Variants in MUC7 observed in about 807,000 individuals in gnomAD.
MUC7 encodes the protein mucin 7, secreted.
A neutral mutation model predicts 2.5 loss-of-function variants in MUC7; 2 were observed. The ratio of observed to expected loss-of-function variants is 0.81; its 90% CI spans 0.33 to 2.55. MUC7 has a LOEUF of 2.55. MUC7 is among the 30% of genes most tolerant of loss of function. The pLI is 0.11. For missense variants in MUC7, 408 were observed against 455.6 expected (o/e 0.90, Z 0.95); for synonymous variants, 133 against 173.4 (o/e 0.77, Z 1.83).
chr4:70,435,656 C>T (rs1012379547), intron 1 of MUC7, among the ~76,000 whole-genome samples: 2 of 96,760 alleles, frequency 2.1e-5, no homozygotes, highest in Non-Finnish European at 4.2e-5. Context: ...CTCTTTATCC[C>T]ATTTGCCAGT....
At chr4:70,447,371 G>GT (rs1272159799) in intron 1 of MUC7, among the ~76,000 whole-genome samples, 1 of 151,972 alleles carries the variant, frequency 6.6e-6, no homozygotes, top group Non-Finnish European at 1.5e-5. Flanking sequence ...TCTTTACAAC[G>GT]TGTTTAGAAC....
Position 70,480,876 on chromosome 4 carries a change from A to G in MUC7, c.132A>G (p.Glu44=), listed in dbSNP as rs1185975959. Residue 44 remains glutamate, a synonymous_variant, in exon 3 of 3, where the codon GAA becomes GAG. Transcript: ENST00000304887. ...ACCAATCACCCAAATCTCACTTTGAATTACCACATTATCCTGGACTGCTAG... is the reference window on the plus strand; with the variant it reads ...ACCAATCACCCAAATCTCACTTTGAGTTACCACATTATCCTGGACTGCTAG... ...HHHQSPKSHF[E]LPHYPGLLAH... 1 of 1,614,196 alleles carries G rather than the reference A, an allele frequency of 6.2e-7. No homozygotes were observed. The highest frequency in any genetic ancestry group is 1.7e-5 in the Admixed American group (1 of 60,026).
chr4:70,440,756 G>A (rs1261151841), intron 1 of MUC7, among the ~76,000 whole-genome samples: 1 of 151,964 alleles, frequency 6.6e-6, no homozygotes, highest in African/African-American at 2.4e-5. Flanking sequence ...ATTTAAAAAT[G>A]GAGGGAGACA....
intron 1 of MUC7, among the ~76,000 whole-genome samples, chr4:70,457,811 T>A (rs1373981148): frequency 6.6e-6 from 1 of 152,122 alleles, no homozygotes; most frequent in Non-Finnish European, 1.5e-5. Context: ...AATAACTCTA[T>A]AACCATTAAA....
At chr4:70,459,420 G>A (rs1169777194) in intron 1 of MUC7, among the ~76,000 whole-genome samples, 2 of 152,086 alleles carry the variant, frequency 1.3e-5, no homozygotes, top group Non-Finnish European at 2.9e-5. Flanking sequence ...TCACACTCTG[G>A]GGACTGTTGT....
At chr4:70,435,839 C>T (rs1038547331) in intron 1 of MUC7, among the ~76,000 whole-genome samples, 1 of 152,168 alleles carries the variant, frequency 6.6e-6, no homozygotes, top group Non-Finnish European at 1.5e-5. Flanking sequence ...GTGGTTGGTA[C>T]CGGTTTTTCC....
At chr4:70,465,638 A>G (rs954768300) in intron 1 of MUC7, among the ~76,000 whole-genome samples, 1 of 152,172 alleles carries the variant, frequency 6.6e-6, no homozygotes. Flanking sequence ...AAGCAAAAGA[A>G]AGGATATCAG....
chr4:70,432,402 G>C (rs767935798), intron 1 of MUC7, among the ~76,000 whole-genome samples: 1 of 152,174 alleles, frequency 6.6e-6, no homozygotes, highest in Non-Finnish European at 1.5e-5. Context: ...ATCCTCTCCA[G>C]CACCTGTTGT....
At chr4:70,447,030 G>A (rs1734158151) in intron 1 of MUC7, among the ~76,000 whole-genome samples, 1 of 138,280 alleles carries the variant, frequency 7.2e-6, no homozygotes, top group Admixed American at 7.3e-5. Context: ...ATCCCAACAT[G>A]AGATTTTCTT....
chr4:70,479,465 G>T (rs6817784), intron 2 of MUC7, among the ~76,000 whole-genome samples: 39,968 of 152,044 alleles, frequency 0.26, 5,494 homozygotes, highest in East Asian at 0.38. Flanking sequence ...TATAACTTGC[G>T]ACTGGAATGA....
chr4:70,473,912 C>A, intron 1 of MUC7, 95 bp from the exon 2 acceptor site: 2 of 891,732 alleles, frequency 2.2e-6, no homozygotes, highest in Non-Finnish European at 3.5e-6. Context: ...TCTCTTTTTG[C>A]CTGTACTTTC....
intron 2 of MUC7, among the ~76,000 whole-genome samples, chr4:70,478,422 C>A (rs191655407): frequency 6.6e-6 from 1 of 152,196 alleles, no homozygotes; most frequent in Non-Finnish European, 1.5e-5. Context: ...GGGAATGAAC[C>A]ACATAACTAT....
chr4:70,444,048 C>A (rs932123854), intron 1 of MUC7, among the ~76,000 whole-genome samples: 1 of 152,172 alleles, frequency 6.6e-6, no homozygotes, highest in Admixed American at 6.5e-5. Context: ...CATCCACAAG[C>A]CTTAAACCAC....
At chr4:70,432,513 T>C (rs1044254993) in intron 1 of MUC7, among the ~76,000 whole-genome samples, 1 of 152,274 alleles carries the variant, frequency 6.6e-6, no homozygotes, top group Non-Finnish European at 1.5e-5. Flanking sequence ...ATGAGCATTT[T>C]TTCATGTGTC....
In MUC7 at chr4:70,478,214, A is replaced by T. The variant is rs563754572; in HGVS notation, c.55-2585A>T. ...TTGGTCACCTAAAGTAAAATAGCTGAAACTATTTTACATATGAATAAACAC... is the reference window on the plus strand; with the variant it reads ...TTGGTCACCTAAAGTAAAATAGCTGTAACTATTTTACATATGAATAAACAC... On this transcript the variant is annotated intron_variant, in intron 2 of 2. Coordinates refer to ENST00000304887, the MANE Select transcript of MUC7 (RefSeq NM_152291.3). Among the ~76,000 whole-genome samples, 11 of 152,356 alleles carry T rather than the reference A, an allele frequency of 7.2e-5. No homozygotes were observed. In the South Asian group the frequency reaches 2.3e-3, roughly 32 times the overall value.
chr4:70,431,027 T>C (rs1238354921), intron 1 of MUC7, among the ~76,000 whole-genome samples: 1 of 152,118 alleles, frequency 6.6e-6, no homozygotes, highest in African/African-American at 2.4e-5. Flanking sequence ...CCTAAAATAA[T>C]TCACTGTATG....
At chr4:70,461,757 T>A (rs192471237) in intron 1 of MUC7, among the ~76,000 whole-genome samples, 98 of 151,546 alleles carry the variant, frequency 6.5e-4, no homozygotes, top group African/African-American at 2.2e-3. Flanking sequence ...TTAGATTAGG[T>A]TTTGCTAAAC....
At chr4:70,471,711 T>C (rs1734840335), upstream of MUC7, among the ~76,000 whole-genome samples, 1 of 152,228 alleles carries the variant, frequency 6.6e-6, no homozygotes, top group Non-Finnish European at 1.5e-5. Flanking sequence ...ATTTAAAAAT[T>C]CAGTGTTGAT....
intron 1 of MUC7, among the ~76,000 whole-genome samples, chr4:70,437,332 C>T (rs1733870516): frequency 2.6e-5 from 4 of 152,210 alleles, no homozygotes; most frequent in Admixed American, 2.6e-4. Flanking sequence ...GAGGCAGTAG[C>T]CTTGCTGAGC....
Sources: gnomAD v4.1 joint callset for allele counts (sites outside exome capture counted in the v4.1 genomes callset) on GRCh38, gnomAD v4.1.1 for gene constraint, MANE v1.5 for transcripts, NCBI Gene and HGNC (gene_info 2026-07-23, HGNC 2026-07-21) for gene names.